PPIG: variants seen among roughly 807,000 people sequenced by gnomAD.
PPIG encodes peptidyl-prolyl cis-trans isomerase G.
In PPIG, 26 loss-of-function variants were observed where a neutral mutation model predicts 87.9. The observed-to-expected ratio is 0.30, with a 90% CI of 0.22 to 0.41. PPIG has a LOEUF of 0.41. Ranked by LOEUF, PPIG falls within the 10% of genes least tolerant of loss-of-function variation. The probability of loss-of-function intolerance (pLI) is 1.00; values close to 1 mark genes in which losing one functional copy is unlikely to be tolerated. For synonymous variants in PPIG, 308 were observed against 276.5 expected, an observed-to-expected ratio of 1.11 and a Z score of -1.13; for missense variants, 722 against 879.4, an observed-to-expected ratio of 0.82 and a Z score of 2.26.
At chr2:169,603,821 A>C (rs1264022208) in intron 2 of PPIG, 127 bp downstream of exon 2, 4 of 564,310 alleles carry the variant, frequency 7.1e-6, no homozygotes, top group Admixed American at 3.1e-5. Context: ...TTAACTTTCA[A>C]GTCTTTTCTA....
chr2:169,587,308 C>G (rs4668147), intron 1 of PPIG, among the ~76,000 whole-genome samples: 54,707 of 151,314 alleles, frequency 0.36, 10,380 homozygotes, highest in Admixed American at 0.48. Context: ...GTGGCGTGAT[C>G]TCGGCTCACT....
intron 10 of PPIG, 144 bp downstream of exon 10, chr2:169,631,131 T>C: frequency 1.3e-6 from 1 of 776,470 alleles, no homozygotes; most frequent in Non-Finnish European, 2.0e-6. Flanking sequence ...TTCCACAGTC[T>C]ATAGATTAAA....
intron 1 of PPIG, among the ~76,000 whole-genome samples, chr2:169,595,456 T>C (rs184574033): frequency 7.9e-4 from 121 of 152,322 alleles, no homozygotes; most frequent in African/African-American, 2.8e-3. Flanking sequence ...AATTAAATTT[T>C]TTTTGAGTAT....
chr2:169,622,428 AT>A (rs1685782155), intron 9 of PPIG, among the ~76,000 whole-genome samples: 1 of 152,238 alleles, frequency 6.6e-6, no homozygotes. Context: ...CATCTTTATA[AT>A]GCATTGTCAT....
intron 1 of PPIG, among the ~76,000 whole-genome samples, chr2:169,592,518 A>T (rs372271654): frequency 6.6e-6 from 1 of 151,830 alleles, no homozygotes; most frequent in African/African-American, 2.4e-5. Flanking sequence ...GTTAGCCAGG[A>T]TGGTCTCAAT....
Position 169,636,904 on chromosome 2 carries a change from G to A in PPIG, c.1646G>A (p.Cys549Tyr), listed in dbSNP as rs1686194122. Residue 549 changes from cysteine (C) to tyrosine (Y), a missense_variant, in exon 14 of 14, where the codon TGT becomes TAT. Transcript: ENST00000260970. ...CGCGCACAATCCAGGAGTAGAGAAT[G>A]TGATATAACTAAAGGTAAACACAGT... is the stretch of plus-strand genomic sequence containing the variant. ...DRRAQSRSRE[C>Y]DITKGKHSYN... 1 of 1,613,752 alleles carries A rather than the reference G, an allele frequency of 6.2e-7. No individual in the cohort carries two copies. The highest frequency in any genetic ancestry group is 1.3e-5 in the African/African-American group (1 of 74,880).
At chr2:169,600,060 T>C (rs1035902110) in intron 1 of PPIG, among the ~76,000 whole-genome samples, 1 of 150,410 alleles carries the variant, frequency 6.6e-6, no homozygotes, top group African/African-American at 2.4e-5. Context: ...GGTACACATT[T>C]TGTGAGAGGA....
intron 4 of PPIG, 65 bp downstream of exon 4, chr2:169,604,326 G>GCTT (rs1685261205): frequency 2.3e-5 from 11 of 488,290 alleles, no homozygotes; most frequent in African/African-American, 7.8e-5. Context: ...TTGCTTGCTT[G>GCTT]GTTTTTTTTT....
chr2:169,595,910 TC>T (rs1375672996), intron 1 of PPIG, among the ~76,000 whole-genome samples: 1 of 147,376 alleles, frequency 6.8e-6, no homozygotes, highest in Non-Finnish European at 1.5e-5. Flanking sequence ...TTCAAGCGAT[TC>T]TCCTGCCTCA....
intron 7 of PPIG, among the ~76,000 whole-genome samples, chr2:169,611,620 A>G (rs983603579): frequency 3.9e-5 from 6 of 152,200 alleles, no homozygotes; most frequent in African/African-American, 1.2e-4. Context: ...AGGAAAGGAT[A>G]GTTTACTGTA....
intron 9 of PPIG, among the ~76,000 whole-genome samples, chr2:169,615,741 T>A (rs181310557): frequency 2.0e-5 from 3 of 152,318 alleles, no homozygotes; most frequent in Admixed American, 2.0e-4. Context: ...CTATTGTGAA[T>A]AATGCAGCAG....
rs1209852414 is a variant in PPIG at position 169,618,557 on chromosome 2, C to T, written c.547+3833C>T. On this transcript the variant is annotated intron_variant, in intron 9 of 13. Coordinates refer to ENST00000260970, the MANE Select transcript of PPIG (RefSeq NM_004792.3). ...CTTGTTATTGGTCTATTCAGGGATT[C>T]GACTTCTTCCTGGTTTAGTCTTGGA... Among the ~76,000 whole-genome samples the T allele has an allele frequency of 3.9e-5, 6 of 152,074 alleles. No individual in the cohort carries two copies. The South Asian group carries it at 8.3e-4, about 21-fold the overall frequency.
rs1228884950 is a variant in PPIG, at chr2:169,636,173, C to G, written c.1099C>G (p.Gln367Glu). Reference sequence around the variant, plus strand: ...TCCTCCACATTGGAGGCAAGAGATGCAGAGAGCTCAAAGAATGAGGGTATC... The same window carrying G: ...TCCTCCACATTGGAGGCAAGAGATGGAGAGAGCTCAAAGAATGAGGGTATC... ...ETPPHWRQEM[Q>E]RAQRMRVSSG... The change falls in exon 13 of 14, where the codon CAG (glutamine) becomes GAG (glutamate). Residue 367 changes from glutamine to glutamate, a missense_variant. Physicochemically the swap from Gln to Glu is conservative, Grantham distance 29 (BLOSUM62 2). Around this residue, in one of 4 missense-constraint regions of PPIG, gnomAD observed 476 missense variants for 483.1 expected, o/e 0.99. Coordinates refer to ENST00000260970, the MANE Select transcript of PPIG (RefSeq NM_004792.3). The G allele has an allele frequency of 1.2e-6, 2 of 1,612,686 alleles. No individual in the cohort carries two copies. The highest frequency in any genetic ancestry group is 2.2e-5 in the East Asian group (1 of 44,798).
intron 1 of PPIG, among the ~76,000 whole-genome samples, chr2:169,593,408 C>T (rs1684923223): frequency 6.6e-6 from 1 of 151,734 alleles, no homozygotes; most frequent in African/African-American, 2.4e-5. Context: ...ATTGGTCAGG[C>T]TGGTCATGAA....
intron 4 of PPIG, 91 bp downstream of exon 4, chr2:169,604,352 T>G: frequency 9.5e-7 from 1 of 1,053,468 alleles, no homozygotes; most frequent in Non-Finnish European, 1.4e-6. Context: ...TTTTTTTTTT[T>G]TTTGAGACAG....
intron 12 of PPIG, among the ~76,000 whole-genome samples, 161 bp from the exon 13 acceptor site, chr2:169,635,931 T>C (rs1242311150): frequency 6.6e-6 from 1 of 152,196 alleles, no homozygotes; most frequent in Non-Finnish European, 1.5e-5. Flanking sequence ...CCTGGAAACA[T>C]ATACTTTTAA....
In PPIG at chr2:169,594,034, A is replaced by G. The variant is rs1029862952; in HGVS notation, c.-70+9544A>G. Among the ~76,000 whole-genome samples, 9 of 152,172 alleles carry G rather than the reference A, an allele frequency of 5.9e-5. No individual in the cohort carries two copies. The East Asian group carries it at 1.5e-3, about 26-fold the overall frequency. ...TTTAATTATTGTTGAACCAGAGACA[A>G]TTTCACTTTTTTGTGATATTATGAT... is the stretch of plus-strand genomic sequence containing the variant. On this transcript the variant is annotated intron_variant, in intron 1 of 13. Transcript: ENST00000260970.
At position 169,637,426 on chromosome 2, in the gene PPIG, A is replaced by G. The variant is rs1359486183; in HGVS notation, c.2168A>G (p.Gln723Arg). 1.2e-6 allele frequency: 2 copies of G among 1,612,840 alleles called. No homozygotes were observed. The highest frequency in any genetic ancestry group is 2.2e-5 in the South Asian group (2 of 90,762). Reference protein sequence around the residue: ...KIRSSVEKENQKSKGQENDHV... With the variant: ...KIRSSVEKENRKSKGQENDHV... ...AGATCCTCAGTGGAAAAAGAAAACCAAAAATCAAAAGGTCAAGAAAATGAC... is the reference window on the plus strand; with the variant it reads ...AGATCCTCAGTGGAAAAAGAAAACCGAAAATCAAAAGGTCAAGAAAATGAC... The change falls in exon 14 of 14, where the codon CAA becomes CGA. Residue 723 changes from glutamine to arginine, a missense_variant. This residue lies in a region of PPIG where 476 missense variants were observed against 483.1 expected (regional missense o/e 0.99). Transcript: ENST00000260970.
intron 9 of PPIG, among the ~76,000 whole-genome samples, chr2:169,626,814 A>T (rs1414947846): frequency 1.3e-5 from 2 of 151,948 alleles, no homozygotes; most frequent in East Asian, 3.9e-4. Flanking sequence ...GGTTCAAGTG[A>T]TTCTCATGCC....
Sources: allele counts gnomAD v4.1 joint callset (sites outside exome capture counted in the v4.1 genomes callset), GRCh38; gene constraint gnomAD v4.1.1; regional missense constraint gnomAD v4.1.1; transcripts MANE v1.5; gene names NCBI Gene and HGNC (gene_info 2026-07-23, HGNC 2026-07-21).